The following DGKI variants were observed in gnomAD, a reference collection of about 807,000 sequenced individuals.
DGKI encodes the protein diacylglycerol kinase iota, also known as DAG kinase iota.
In DGKI, 55 loss-of-function variants were observed where a neutral mutation model predicts 147.5. The observed-to-expected ratio is 0.37, with a 90% CI of 0.30 to 0.47. The LOEUF (loss-of-function observed/expected upper bound fraction) is 0.47, where lower values mean the gene tolerates loss of function less well. DGKI is among the 20% of genes least tolerant of loss of function. The pLI is 1.00. For synonymous variants in DGKI, 469 were observed against 477.1 expected, an observed-to-expected ratio of 0.98 and a Z score of 0.22; for missense variants, 1,007 against 1,323.8, an observed-to-expected ratio of 0.76 and a Z score of 3.71.
At chr7:137,491,250 C>T (rs1815753458) in intron 21 of DGKI, among the ~76,000 whole-genome samples, 1 of 152,126 alleles carries the variant, frequency 6.6e-6, no homozygotes, top group African/African-American at 2.4e-5. Context: ...ATATCCACCA[C>T]CCATTGTGGA....
intron 31 of DGKI, 24 bp downstream of exon 31, chr7:137,397,353 T>G: frequency 6.2e-7 from 1 of 1,609,272 alleles, no homozygotes; most frequent in Non-Finnish European, 8.5e-7. Flanking sequence ...TAACCTAGAC[T>G]ATGTAATAAA....
intron 1 of DGKI, among the ~76,000 whole-genome samples, chr7:137,742,305 A>G (rs908238052): frequency 6.6e-6 from 1 of 151,922 alleles, no homozygotes; most frequent in African/African-American, 2.4e-5. Flanking sequence ...GCGCTGTTAC[A>G]TCCAAAAGGA....
rs1479862279 is a variant in DGKI at position 137,390,192 on chromosome 7, T to TC, written c.*1027dup. 2 of 152,200 alleles carry TC rather than the reference T, an allele frequency of 1.3e-5. No homozygotes were observed. Among genetic ancestry groups the TC allele is most frequent in the African/African-American group, 4.8e-5 (2 of 41,450 alleles). The allele number at this position is 152,200 out of a possible 1,614,324, so 9.4% of individuals were successfully genotyped here. A position where few individuals can be genotyped will look rare whatever the true frequency, so the allele number is the denominator to read the frequency against. ...ACTTTTGCTTTTGCTGTTTTTTTTT[T>TC]CCAAGTCAATTAGGGTGCTTTCTAT... On this transcript the variant is annotated 3_prime_UTR_variant, in exon 33 of 33. Transcript: ENST00000614521.
chr7:137,435,579 A>C (rs900942378), intron 28 of DGKI, among the ~76,000 whole-genome samples: 3 of 152,184 alleles, frequency 2.0e-5, no homozygotes, highest in Non-Finnish European at 4.4e-5. Context: ...GAAGAGAAAG[A>C]GCCTCAAAAA....
At chr7:137,571,491 C>T (rs1818792113) in intron 18 of DGKI, among the ~76,000 whole-genome samples, 1 of 152,198 alleles carries the variant, frequency 6.6e-6, no homozygotes, top group Non-Finnish European at 1.5e-5. Flanking sequence ...AATTTTGCAA[C>T]AAAAGTATCC....
At chr7:137,540,731 C>A (rs181320963) in intron 20 of DGKI, among the ~76,000 whole-genome samples, 1 of 50,084 alleles carries the variant, frequency 2.0e-5, no homozygotes. Flanking sequence ...TAACAATGAG[C>A]AATTGGAAAC....
chr7:137,598,775 A>AAATCTT (rs1819885399), intron 11 of DGKI, among the ~76,000 whole-genome samples: 1 of 152,116 alleles, frequency 6.6e-6, no homozygotes. Flanking sequence ...TAAAGTGATA[A>AAATCTT]AATCTTAAGA....
At chr7:137,626,404 C>T (rs1820942851) in intron 6 of DGKI, among the ~76,000 whole-genome samples, 1 of 151,364 alleles carries the variant, frequency 6.6e-6, no homozygotes, top group African/African-American at 2.4e-5. Flanking sequence ...GTGTTTACTA[C>T]TACAGGGCCA....
At chr7:137,550,355 T>C (rs1818004865) in intron 20 of DGKI, among the ~76,000 whole-genome samples, 1 of 152,094 alleles carries the variant, frequency 6.6e-6, no homozygotes, top group Admixed American at 6.5e-5. Context: ...TTTGTATTTA[T>C]AGCAGAGAAG....
At chr7:137,402,480 A>G (rs1437532045) in intron 30 of DGKI, among the ~76,000 whole-genome samples, 4 of 152,206 alleles carry the variant, frequency 2.6e-5, no homozygotes, top group Non-Finnish European at 5.9e-5. Context: ...CCAAATTACA[A>G]TGTTGCTGCC....
intron 1 of DGKI, among the ~76,000 whole-genome samples, chr7:137,756,635 T>A (rs76465581): frequency 6.6e-6 from 1 of 152,328 alleles, no homozygotes; most frequent in East Asian, 1.9e-4. Context: ...TTATTTTCCA[T>A]GCAGTGCTGT....
intron 27 of DGKI, among the ~76,000 whole-genome samples, chr7:137,463,121 C>T (rs111432754): frequency 0.012 from 1,875 of 152,222 alleles, 38 homozygotes; most frequent in African/African-American, 0.043. Flanking sequence ...TGAAAAACCA[C>T]GTGTCACTTT....
At chr7:137,680,851 C>G (rs1296511421) in intron 2 of DGKI, among the ~76,000 whole-genome samples, 1 of 152,078 alleles carries the variant, frequency 6.6e-6, no homozygotes, top group Non-Finnish European at 1.5e-5. Context: ...CAAGTGTCAC[C>G]CATCTTTTAA....
chr7:137,584,761 C>A lies in DGKI; in HGVS notation c.1563+448G>T, dbSNP rs534447873. Among the ~76,000 whole-genome samples, 15 of 152,150 alleles carry A rather than the reference C, an allele frequency of 9.9e-5. No individual in the cohort carries two copies. The South Asian group carries it at 2.9e-3, about 29-fold the overall frequency. On this transcript the variant is annotated intron_variant, in intron 14 of 32. Transcript: ENST00000614521. Reference sequence around the variant, plus strand: ...TTATTGAGGTATCTTCAAGTCCCACCCAAGTGGTAACACTGGCATAGTTAA... The same window carrying A: ...TTATTGAGGTATCTTCAAGTCCCACACAAGTGGTAACACTGGCATAGTTAA...
chr7:137,577,345 G>A, intron 16 of DGKI, 61 bp from the exon 17 acceptor site: 2 of 1,164,040 alleles, frequency 1.7e-6, no homozygotes, highest in Non-Finnish European at 2.5e-6. Flanking sequence ...CCAAATCCTT[G>A]CTTCCATATC....
At chr7:137,393,101 A>T (rs1019015723) in intron 32 of DGKI, among the ~76,000 whole-genome samples, 2 of 152,180 alleles carry the variant, frequency 1.3e-5, no homozygotes, top group Non-Finnish European at 2.9e-5. Context: ...GATCATTACA[A>T]GTTTAATGAT....
At chr7:137,799,359 G>A (rs530145038) in intron 1 of DGKI, among the ~76,000 whole-genome samples, 1 of 152,206 alleles carries the variant, frequency 6.6e-6, no homozygotes, top group East Asian at 1.9e-4. Context: ...TGGGGAACGG[G>A]GAAGTGACTA....
chr7:137,565,653 C>A (rs2128973296), intron 19 of DGKI, among the ~76,000 whole-genome samples: 1 of 152,234 alleles, frequency 6.6e-6, no homozygotes, highest in Admixed American at 6.5e-5. Context: ...ATTAGGTTCC[C>A]AATTCCTCTG....
chr7:137,768,474 A>G lies in DGKI; in HGVS notation c.401+77988T>C, dbSNP rs772418318. ...CACTGAGCTAAAACCCAGAGGGATG[A>G]CAAGAGACGACTCTCAAGAAGCAGC... On this transcript the variant is annotated intron_variant, in intron 1 of 32. Coordinates refer to ENST00000614521, the MANE Select transcript of DGKI (RefSeq NM_001321708.2). 9.2e-5 allele frequency among the ~76,000 whole-genome samples: 14 copies of G among 152,322 alleles called. No individual in the cohort carries two copies. In the East Asian group the frequency reaches 9.6e-4, roughly 10 times the overall value.
Sources: gnomAD v4.1 joint callset for allele counts (sites outside exome capture counted in the v4.1 genomes callset) on GRCh38, gnomAD v4.1.1 for gene constraint, MANE v1.5 for transcripts, NCBI Gene and HGNC (gene_info 2026-07-23, HGNC 2026-07-21) for gene names.